Variants in GPHN observed in about 807,000 individuals in gnomAD.
GPHN encodes the protein gephyrin.
A neutral mutation model predicts 95.5 loss-of-function variants in GPHN; 17 were observed. The ratio of observed to expected loss-of-function variants is 0.18; its 90% CI spans 0.12 to 0.27. The LOEUF is 0.27. Among genes scored for constraint, GPHN ranks in the 10% least tolerant of loss-of-function variants. The pLI is 1.00. For missense variants in GPHN, 660 were observed against 978.1 expected (o/e 0.67, Z 4.34); for synonymous variants, 320 against 322.5 (o/e 0.99, Z 0.08).
chr14:66,560,603 C>G (rs2060192828), intron 1 of GPHN, among the ~76,000 whole-genome samples: 1 of 152,146 alleles, frequency 6.6e-6, no homozygotes, highest in Non-Finnish European at 1.5e-5. Context: ...TGTCCTGAGA[C>G]TTTGCTGAAG....
chr14:67,276,766 A>C, the GPHN span, among the ~76,000 whole-genome samples: 1 of 152,222 alleles, frequency 6.6e-6, no homozygotes, highest in African/African-American at 2.4e-5. Flanking sequence ...CAAAGGTTGG[A>C]TCCAGATATA....
chr14:67,242,178 T>C, the GPHN span, among the ~76,000 whole-genome samples: 7,918 of 152,268 alleles, frequency 0.052, 432 homozygotes, highest in African/African-American at 0.13. Flanking sequence ...GTAAATTATG[T>C]AACTTTCTAA....
rs35159325 is a variant in GPHN at position 66,932,444 on chromosome 14, G to GTTTTTTTT, written c.828+8181_828+8188dup. On this transcript the variant is annotated intron_variant, in intron 8 of 22. Coordinates refer to ENST00000478722, the MANE Select transcript of GPHN (RefSeq NM_020806.5). ...AGGTGGGGAATCCTGCCAAGACCAGGTTTTTTTTTTTTTTTTTTTTTTTTT... is the reference window on the plus strand; with the variant it reads ...AGGTGGGGAATCCTGCCAAGACCAGGTTTTTTTTTTTTTTTTTTTTTTTTTTTTTTTTT... 3.9e-3 allele frequency among the ~76,000 whole-genome samples: 95 copies of GTTTTTTTT among 24,390 alleles called. 37 individuals are homozygous for GTTTTTTTT. The highest frequency in any genetic ancestry group is 5.2e-3 in the Non-Finnish European group (71 of 13,730). The allele number at this position is 24,390 out of a possible 152,430, so 16.0% of individuals were successfully genotyped here.
At chr14:67,225,089 T>C in the GPHN span, 13 of 1,538,588 alleles carry the variant, frequency 8.4e-6, no homozygotes, top group Non-Finnish European at 1.1e-5. Context: ...TCCTTTACTT[T>C]CCTTATTCTT....
intron 8 of GPHN, 66 bp from the exon 9 acceptor site, chr14:66,965,125 G>T (rs1277148119): frequency 4.5e-6 from 6 of 1,332,826 alleles, no homozygotes; most frequent in African/African-American, 1.4e-5. Flanking sequence ...AAAACAAAGG[G>T]GGTCTTGATT....
At chr14:66,870,475 G>A (rs1386571976) in intron 4 of GPHN, among the ~76,000 whole-genome samples, 1 of 152,110 alleles carries the variant, frequency 6.6e-6, no homozygotes, top group Non-Finnish European at 1.5e-5. Flanking sequence ...CCTAACTACT[G>A]TATTTTCGAT....
At chr14:67,222,255 C>T in the GPHN span, among the ~76,000 whole-genome samples, 77 of 152,238 alleles carry the variant, frequency 5.1e-4, no homozygotes, top group African/African-American at 1.7e-3. Flanking sequence ...ATGTCTTTAG[C>T]CTCTACCAGG....
At chr14:66,690,391 A>T (rs2067690312) in intron 2 of GPHN, among the ~76,000 whole-genome samples, 1 of 152,184 alleles carries the variant, frequency 6.6e-6, no homozygotes, top group African/African-American at 2.4e-5. Context: ...GCCAGAAAAG[A>T]TACTTAATAT....
intron 5 of GPHN, among the ~76,000 whole-genome samples, chr14:66,881,897 T>C (rs1401630497): frequency 2.0e-5 from 3 of 151,844 alleles, no homozygotes; most frequent in Non-Finnish European, 4.4e-5. Flanking sequence ...TTTCTGTCTG[T>C]GCATTGCTGA....
the GPHN span, among the ~76,000 whole-genome samples, chr14:67,701,472 G>C: frequency 7.2e-6 from 1 of 139,752 alleles, no homozygotes; most frequent in Non-Finnish European, 1.5e-5. Context: ...TGCCCAGGCT[G>C]GAGTACAGTG....
chr14:67,166,469 T>G (rs947483186), intron 20 of GPHN, among the ~76,000 whole-genome samples: 1 of 152,188 alleles, frequency 6.6e-6, no homozygotes, highest in Non-Finnish European at 1.5e-5. Context: ...CCAAAGATGT[T>G]ATAAAATTAA....
chr14:66,524,821 C>A (rs28659174), intron 1 of GPHN, among the ~76,000 whole-genome samples: 49,803 of 151,864 alleles, frequency 0.33, 11,991 homozygotes, highest in African/African-American at 0.66. Flanking sequence ...TGCAAAGGAC[C>A]TGAACTCATC....
At chr14:67,176,304 C>T (rs1309785198) in intron 21 of GPHN, among the ~76,000 whole-genome samples, 1 of 152,068 alleles carries the variant, frequency 6.6e-6, no homozygotes, top group Non-Finnish European at 1.5e-5. Flanking sequence ...TGAGTTTTGT[C>T]GAAGGCCTTT....
the GPHN span, chr14:67,650,366 G>A: frequency 3.3e-6 from 1 of 301,760 alleles, no homozygotes; most frequent in Non-Finnish European, 6.3e-6. Context: ...TCATACTGGA[G>A]GTGGCATACA....
the GPHN span, among the ~76,000 whole-genome samples, chr14:67,375,070 T>C: frequency 1.3e-4 from 20 of 152,176 alleles, no homozygotes; most frequent in Non-Finnish European, 4.4e-5. Flanking sequence ...CACTAGCGTG[T>C]TAGGATTATT....
At chr14:67,659,996 C>T in the GPHN span, 1 of 1,376,072 alleles carries the variant, frequency 7.3e-7, no homozygotes, top group African/African-American at 1.4e-5. Flanking sequence ...CTAGTTTGGA[C>T]TAATCAAACT....
At chr14:67,076,295 A>T (rs539249850) in intron 11 of GPHN, among the ~76,000 whole-genome samples, 165 of 152,324 alleles carry the variant, frequency 1.1e-3, no homozygotes, top group African/African-American at 3.8e-3. Flanking sequence ...TTCACATAAT[A>T]CTATTTCACA....
chr14:67,310,551 T>G, the GPHN span, among the ~76,000 whole-genome samples: 1 of 152,186 alleles, frequency 6.6e-6, no homozygotes, highest in Non-Finnish European at 1.5e-5. Context: ...CAGGTCTGTT[T>G]AGTTAGTGAA....
intron 2 of GPHN, among the ~76,000 whole-genome samples, chr14:66,682,267 T>C (rs2066984457): frequency 6.6e-6 from 1 of 152,218 alleles, no homozygotes; most frequent in Admixed American, 6.5e-5. Flanking sequence ...CCTTGATTTT[T>C]ATCCCTACTA....
Sources: allele counts gnomAD v4.1 joint callset (sites outside exome capture counted in the v4.1 genomes callset), GRCh38; gene constraint gnomAD v4.1.1; transcripts MANE v1.5; gene names NCBI Gene and HGNC (gene_info 2026-07-23, HGNC 2026-07-21).